Variants in KANK1 observed in about 807,000 individuals in gnomAD.
KANK1 encodes the protein KN motif and ankyrin repeat domain-containing protein 1.
In KANK1, 109 loss-of-function variants were observed where a neutral mutation model predicts 106.2. The ratio of observed to expected loss-of-function variants is 1.03; its 90% confidence interval spans 0.88 to 1.20. The LOEUF is 1.20. KANK1 is among the 50% of genes most tolerant of loss of function. The probability of loss-of-function intolerance (pLI) is 0.00; values close to 1 mark genes in which losing one functional copy is unlikely to be tolerated. For synonymous variants in KANK1, 873 were observed against 652.2 expected, an observed-to-expected ratio of 1.34 and a Z score of -5.16; for missense variants, 2,399 against 1,710.7, an observed-to-expected ratio of 1.40 and a Z score of -7.10.
intron 1 of KANK1, among the ~76,000 whole-genome samples, chr9:591,197 A>C (rs1025689057): frequency 6.6e-6 from 1 of 151,806 alleles, no homozygotes; most frequent in South Asian, 2.1e-4. Context: ...TTTTATTATA[A>C]AAGTATGTTA....
chr9:671,652 A>G (rs1372793043), intron 1 of KANK1, among the ~76,000 whole-genome samples: 1 of 72,524 alleles, frequency 1.4e-5, no homozygotes, highest in African/African-American at 9.5e-5. Context: ...AGTACTGAGA[A>G]GCATTTCCTG....
At chr9:638,334 G>A (rs1837617443) in intron 1 of KANK1, among the ~76,000 whole-genome samples, 2 of 152,176 alleles carry the variant, frequency 1.3e-5, no homozygotes, top group African/African-American at 4.8e-5. Context: ...CTGCTGAGCT[G>A]GAGTGTCACT....
chr9:653,863 G>C (rs1841477068), intron 1 of KANK1, among the ~76,000 whole-genome samples: 3 of 152,192 alleles, frequency 2.0e-5, no homozygotes, highest in African/African-American at 7.2e-5. Context: ...GTTGCTGTTA[G>C]ATTGTCATTC....
At chr9:588,534 A>ACC (rs1309583907) in intron 1 of KANK1, among the ~76,000 whole-genome samples, 1 of 152,192 alleles carries the variant, frequency 6.6e-6, no homozygotes, top group Non-Finnish European at 1.5e-5. Flanking sequence ...CAGTATATTG[A>ACC]AGTACCTGGT....
intron 3 of KANK1, among the ~76,000 whole-genome samples, chr9:715,926 C>A (rs763786308): frequency 3.9e-5 from 6 of 152,178 alleles, no homozygotes; most frequent in South Asian, 2.1e-4. Flanking sequence ...CACTTAGAAG[C>A]TTTGAGAATC....
intron 1 of KANK1, among the ~76,000 whole-genome samples, chr9:548,741 G>T (rs555309989): frequency 6.6e-6 from 1 of 152,124 alleles, no homozygotes; most frequent in South Asian, 2.1e-4. Flanking sequence ...TTTTTATCAA[G>T]ATTTTTAAAG....
intron 2 of KANK1, among the ~76,000 whole-genome samples, chr9:694,535 T>A (rs1166257045): frequency 6.6e-6 from 1 of 152,186 alleles, no homozygotes; most frequent in Admixed American, 6.5e-5. Flanking sequence ...TTGGCTGTTT[T>A]GAGACAGATT....
chr9:695,900 C>T (rs936901504), intron 2 of KANK1, among the ~76,000 whole-genome samples: 2 of 152,154 alleles, frequency 1.3e-5, no homozygotes, highest in Non-Finnish European at 1.5e-5. Context: ...CTCTGTTATA[C>T]TTATTCATCA....
At chr9:595,921 A>C (rs1649009000) in intron 1 of KANK1, among the ~76,000 whole-genome samples, 1 of 151,868 alleles carries the variant, frequency 6.6e-6, no homozygotes, top group Non-Finnish European at 1.5e-5. Flanking sequence ...CCCCTATCCC[A>C]AACGCTTGGG....
At chr9:714,361 ATT>A (rs33935286) in intron 3 of KANK1, among the ~76,000 whole-genome samples, 6 of 128,780 alleles carry the variant, frequency 4.7e-5, no homozygotes, top group Admixed American at 8.2e-5. Context: ...TTTCCCACTC[ATT>A]TTTTTTTTTT....
chr9:514,527 C>T (rs1334646216), intron 1 of KANK1, among the ~76,000 whole-genome samples: 1 of 150,954 alleles, frequency 6.6e-6, no homozygotes, highest in Non-Finnish European at 1.5e-5. Context: ...TCAATTTAGT[C>T]AGTTTTTGAA....
chr9:587,021 G>A (rs1253539098), intron 1 of KANK1, among the ~76,000 whole-genome samples: 1 of 152,060 alleles, frequency 6.6e-6, no homozygotes, highest in African/African-American at 2.4e-5. Flanking sequence ...TCAGAATGAT[G>A]GTCACTATAC....
rs921424688 is a variant in KANK1, at chr9:494,678, T to C, written c.-362+21405T>C. ...GCCTTTTGCCAACAACCATGTGAGC[T>C]GCTGAGTCTCCTTAGAAGAGCCAAG... is the stretch of plus-strand genomic sequence containing the variant. On this transcript the variant is annotated intron_variant, in intron 3 of 15. Transcript: ENST00000382303. 5.3e-4 allele frequency among the ~76,000 whole-genome samples: 81 copies of C among 152,210 alleles called. 6 individuals carry two copies.
At chr9:616,067 C>T (rs1264429946) in intron 1 of KANK1, among the ~76,000 whole-genome samples, 1 of 152,178 alleles carries the variant, frequency 6.6e-6, no homozygotes, top group Non-Finnish European at 1.5e-5. Flanking sequence ...AGTGTCACCT[C>T]CCCACCCAGC....
intron 1 of KANK1, among the ~76,000 whole-genome samples, chr9:631,920 C>A (rs1209025996): frequency 6.6e-6 from 1 of 152,142 alleles, no homozygotes; most frequent in Non-Finnish European, 1.5e-5. Context: ...CGCTGTGGCT[C>A]TATAGCTCTC....
chr9:505,359 G>GGGGCGT (rs2058703951), intron 1 of KANK1, among the ~76,000 whole-genome samples: 1 of 152,214 alleles, frequency 6.6e-6, no homozygotes, highest in Admixed American at 6.5e-5. Context: ...AGGCGGGGGA[G>GGGGCGT]GGGCGTGGGC....
At chr9:622,699 T>G (rs940798621) in intron 1 of KANK1, among the ~76,000 whole-genome samples, 1 of 151,950 alleles carries the variant, frequency 6.6e-6, no homozygotes, top group African/African-American at 2.4e-5. Flanking sequence ...GTCAGGAGTT[T>G]GAGACCAGCC....
chr9:700,784 T>C (rs939682767), intron 2 of KANK1, among the ~76,000 whole-genome samples: 1 of 152,124 alleles, frequency 6.6e-6, no homozygotes, highest in African/African-American at 2.4e-5. Flanking sequence ...ACATAAATAG[T>C]GTGTGAAAGT....
rs75701211 is a variant in KANK1, at chr9:691,917, A to C, written c.37+14908A>C. The stretch of plus-strand genomic sequence containing the variant: ...CACGCATGAGCCACCATGCCCCCCA[A>C]AAAGGGTTCTTTTAAATGCCTTCTT... On this transcript the variant is annotated intron_variant, in intron 2 of 11. Coordinates refer to ENST00000382297, the MANE Select transcript of KANK1 (RefSeq NM_015158.5). Among the ~76,000 whole-genome samples, 776 of 152,078 alleles carry C rather than the reference A, an allele frequency of 5.1e-3. 16 individuals carry two copies. The East Asian group carries it at 0.059, about 12-fold the overall frequency.
Sources: gnomAD v4.1 joint callset for allele counts (sites outside exome capture counted in the v4.1 genomes callset) on GRCh38, gnomAD v4.1.1 for gene constraint, MANE v1.5 for transcripts, NCBI Gene and HGNC (gene_info 2026-07-23, HGNC 2026-07-21) for gene names.